Variants in TACR3 observed in about 807,000 individuals in gnomAD.
The protein encoded by TACR3 is neuromedin-K receptor.
TACR3 carries 34 observed loss-of-function variants against 35.0 expected under a neutral mutation model. That is an observed-to-expected ratio of 0.97 (90% CI 0.74 to 1.30). The LOEUF is 1.30. Ranked by LOEUF, TACR3 falls within the 50% of genes most tolerant of loss-of-function variation. The pLI is 0.00. For synonymous variants in TACR3, 233 were observed against 221.1 expected (o/e 1.05, Z -0.48); for missense variants, 558 against 591.7 (o/e 0.94, Z 0.59).
chr4:103,714,554 C>T (rs1216422650), intron 1 of TACR3, among the ~76,000 whole-genome samples: 1 of 152,042 alleles, frequency 6.6e-6, no homozygotes, highest in Admixed American at 6.6e-5. Context: ...GTTTTAGTTA[C>T]TATTTTGTAA....
At chr4:103,648,503 A>T (rs1174428901) in intron 3 of TACR3, among the ~76,000 whole-genome samples, 2 of 151,696 alleles carry the variant, frequency 1.3e-5, no homozygotes, top group Non-Finnish European at 2.9e-5. Flanking sequence ...AATTATTTTC[A>T]TTTCTAGCTC....
intron 1 of TACR3, among the ~76,000 whole-genome samples, chr4:103,701,351 A>G (rs1368930774): frequency 6.6e-6 from 1 of 151,894 alleles, no homozygotes; most frequent in East Asian, 1.9e-4. Context: ...AGGGACGTGA[A>G]GGACCTCTTC....
At chr4:103,616,416 A>C (rs772964096) in intron 3 of TACR3, among the ~76,000 whole-genome samples, 27 of 152,088 alleles carry the variant, frequency 1.8e-4, no homozygotes, top group Admixed American at 5.2e-4. Flanking sequence ...ATGTATATTT[A>C]TCTCTCTATA....
In TACR3 at chr4:103,688,486, C is replaced by T. The variant is rs553375930; in HGVS notation, c.549-30083G>A. On this transcript the variant is annotated intron_variant, in intron 1 of 4. Coordinates refer to ENST00000304883, the MANE Select transcript of TACR3 (RefSeq NM_001059.3). ...AACCCACAAAATGGGAGAAAATTTT[C>T]GCAACCTACTCATCTGACAAAGGGC... 2.1e-4 allele frequency among the ~76,000 whole-genome samples: 32 copies of T among 150,670 alleles called. No individual in the cohort carries two copies. In the South Asian group the frequency reaches 2.8e-3, roughly 13 times the overall value.
chr4:103,683,379 A>G (rs188119104), intron 1 of TACR3, among the ~76,000 whole-genome samples: 39 of 150,894 alleles, frequency 2.6e-4, no homozygotes, highest in Admixed American at 1.1e-3. Context: ...TACAAGTCAA[A>G]GTGAAGTGAC....
At chr4:103,662,754 G>T (rs571622054) in intron 1 of TACR3, among the ~76,000 whole-genome samples, 2 of 152,244 alleles carry the variant, frequency 1.3e-5, no homozygotes, top group South Asian at 4.1e-4. Flanking sequence ...TTGAAATGTG[G>T]CATCAACAAG....
At chr4:103,590,837 T>C (rs1301641279) in intron 4 of TACR3, among the ~76,000 whole-genome samples, 1 of 152,200 alleles carries the variant, frequency 6.6e-6, no homozygotes, top group Admixed American at 6.6e-5. Flanking sequence ...ATTTTATCTT[T>C]TTTTTCTAGT....
chr4:103,687,349 C>A (rs1257145162), intron 1 of TACR3, among the ~76,000 whole-genome samples: 1 of 152,040 alleles, frequency 6.6e-6, no homozygotes, highest in East Asian at 1.9e-4. Context: ...GACAGGGATG[C>A]CCTCTCTCAA....
chr4:103,711,353 A>C (rs1722954352), intron 1 of TACR3, among the ~76,000 whole-genome samples: 1 of 152,208 alleles, frequency 6.6e-6, no homozygotes, highest in Non-Finnish European at 1.5e-5. Flanking sequence ...CAAATCAATA[A>C]ACATAATCCA....
intron 1 of TACR3, among the ~76,000 whole-genome samples, chr4:103,692,690 A>T (rs919499225): frequency 3.3e-5 from 5 of 152,192 alleles, no homozygotes; most frequent in Admixed American, 6.5e-5. Flanking sequence ...AACAAATCCA[A>T]TCAGTGGAAC....
chr4:103,631,373 A>G (rs1230886498), intron 3 of TACR3, among the ~76,000 whole-genome samples: 12 of 152,154 alleles, frequency 7.9e-5, no homozygotes, highest in Admixed American at 7.9e-4. Flanking sequence ...TTTACTGATT[A>G]GAATTTTTGG....
chr4:103,680,526 C>CATATATATACAT (rs1560528651), intron 1 of TACR3, among the ~76,000 whole-genome samples: 1 of 143,584 alleles, frequency 7.0e-6, no homozygotes, highest in Non-Finnish European at 1.5e-5. Context: ...TATATATACA[C>CATATATATACAT]ATATATATAC....
intron 1 of TACR3, among the ~76,000 whole-genome samples, chr4:103,694,313 C>T (rs1722476565): frequency 6.9e-6 from 1 of 144,666 alleles, no homozygotes; most frequent in Non-Finnish European, 1.5e-5. Flanking sequence ...TCTTGAGACA[C>T]ACCAAGCATG....
intron 3 of TACR3, among the ~76,000 whole-genome samples, chr4:103,602,078 T>G (rs1222056784): frequency 6.6e-6 from 1 of 152,162 alleles, no homozygotes; most frequent in Non-Finnish European, 1.5e-5. Context: ...GGAGGCTTTG[T>G]TCATTTCTTT....
At chr4:103,624,291 A>G (rs996394987) in intron 3 of TACR3, 1 of 152,178 alleles carries the variant, frequency 6.6e-6, no homozygotes, top group Admixed American at 6.5e-5. Context: ...ATGGTGCAGC[A>G]AGAGGCTTTA....
At chr4:103,686,057 T>G (rs561980389) in intron 1 of TACR3, among the ~76,000 whole-genome samples, 2 of 152,276 alleles carry the variant, frequency 1.3e-5, no homozygotes, top group East Asian at 3.9e-4. Flanking sequence ...GCAGTGTTAG[T>G]TGGAGAAAGC....
chr4:103,600,880 C>A (rs11723901), intron 3 of TACR3, among the ~76,000 whole-genome samples: 90,465 of 151,860 alleles, frequency 0.6, 27,602 homozygotes, highest in Non-Finnish European at 0.65. Context: ...TTACTTCCAA[C>A]TATGTGGTCA....
chr4:103,660,155 T>G (rs1205337723), intron 1 of TACR3, among the ~76,000 whole-genome samples: 1 of 152,082 alleles, frequency 6.6e-6, no homozygotes, highest in Admixed American at 6.6e-5. Flanking sequence ...CAGAAGATAT[T>G]GTGAAAATTA....
intron 3 of TACR3, among the ~76,000 whole-genome samples, chr4:103,616,774 C>A (rs1025175031): frequency 8.5e-5 from 13 of 152,064 alleles, no homozygotes; most frequent in African/African-American, 3.1e-4. Context: ...TAGTACAACC[C>A]TGTCTCTACC....
Sources: allele counts gnomAD v4.1 joint callset (sites outside exome capture counted in the v4.1 genomes callset), GRCh38; gene constraint gnomAD v4.1.1; transcripts MANE v1.5; gene names NCBI Gene and HGNC (gene_info 2026-07-23, HGNC 2026-07-21).